PIK3CB: variants seen among roughly 807,000 people sequenced by gnomAD.
PIK3CB encodes phosphatidylinositol 4,5-bisphosphate 3-kinase catalytic subunit beta isoform.
A neutral mutation model predicts 136.8 loss-of-function variants in PIK3CB; 39 were observed. The observed-to-expected ratio is 0.29, with a 90% CI of 0.22 to 0.37. PIK3CB has a LOEUF of 0.37. PIK3CB is among the 10% of genes least tolerant of loss of function. The pLI is 1.00. For missense variants in PIK3CB, 868 were observed against 1,275.4 expected, an observed-to-expected ratio of 0.68 and a Z score of 4.87; for synonymous variants, 428 against 436.6, an observed-to-expected ratio of 0.98 and a Z score of 0.25.
intron 1 of PIK3CB, among the ~76,000 whole-genome samples, chr3:138,798,762 T>C (rs562162382): frequency 6.6e-6 from 1 of 152,118 alleles, no homozygotes; most frequent in Non-Finnish European, 1.5e-5. Flanking sequence ...TTTTACCATC[T>C]CTGGAACTAA....
chr3:138,698,759 C>G, intron 13 of PIK3CB, 148 bp downstream of exon 13: 1 of 444,704 alleles, frequency 2.2e-6, no homozygotes, highest in Admixed American at 3.9e-5. Context: ...TGGTCCATTA[C>G]TTGGAGTATA....
chr3:138,801,529 G>A (rs1272015651), intron 1 of PIK3CB, among the ~76,000 whole-genome samples: 1 of 151,984 alleles, frequency 6.6e-6, no homozygotes, highest in East Asian at 1.9e-4. Context: ...TCAGGAGTTA[G>A]AGGACAGCCT....
chr3:138,733,442 T>C lies in PIK3CB; in HGVS notation c.973-4A>G. On this transcript the variant is annotated splice_region_variant and splice_polypyrimidine_tract_variant and intron_variant, in intron 7 of 23. Coordinates refer to ENST00000674063, the MANE Select transcript of PIK3CB (RefSeq NM_006219.3). ...GGTTGTTATTTTCCCAAACATGCTG[T>C]AAAAGAATAAAATAAATACAAATTA... The C allele has an allele frequency of 1.5e-6, 2 of 1,375,486 alleles. No individual in the cohort carries two copies. The highest frequency in any genetic ancestry group is 2.1e-6 in the Non-Finnish European group (2 of 971,478). 85.2% of individuals were successfully genotyped at this position (1,375,486 alleles called of 1,614,324 possible).
chr3:138,755,517 A>G (rs1189190364), intron 4 of PIK3CB, among the ~76,000 whole-genome samples: 1 of 152,098 alleles, frequency 6.6e-6, no homozygotes, highest in East Asian at 1.9e-4. Flanking sequence ...TTAGACAACA[A>G]AAACATATAC....
chr3:138,813,699 G>A (rs181310741), intron 1 of PIK3CB, among the ~76,000 whole-genome samples: 51 of 151,974 alleles, frequency 3.4e-4, no homozygotes, highest in African/African-American at 9.7e-4. Flanking sequence ...TTACAGGCGT[G>A]AGCCACCGCG....
intron 2 of PIK3CB, among the ~76,000 whole-genome samples, chr3:138,793,243 T>C (rs893813603): frequency 7.9e-5 from 12 of 152,218 alleles, no homozygotes; most frequent in African/African-American, 2.7e-4. Flanking sequence ...GGTTATCTTC[T>C]TCTGAGGAGG....
chr3:138,773,140 C>T (rs937422273), intron 2 of PIK3CB, among the ~76,000 whole-genome samples: 22 of 152,002 alleles, frequency 1.4e-4, no homozygotes, highest in African/African-American at 5.1e-4. Context: ...GTGGCTCACG[C>T]CTGTAATCCC....
At chr3:138,657,563 A>G (rs1481489948) in intron 22 of PIK3CB, 127 bp downstream of exon 22, 24 of 778,104 alleles carry the variant, frequency 3.1e-5, no homozygotes, top group Non-Finnish European at 4.4e-5. Flanking sequence ...AATTCCCCCA[A>G]AAGCTTCCTA....
chr3:138,716,121 T>C (rs900241284), intron 8 of PIK3CB, among the ~76,000 whole-genome samples: 2 of 152,188 alleles, frequency 1.3e-5, no homozygotes, highest in African/African-American at 4.8e-5. Context: ...TATTATAACA[T>C]GATAAATATT....
At chr3:138,682,560 A>G (rs1451532670) in intron 18 of PIK3CB, among the ~76,000 whole-genome samples, 2 of 152,142 alleles carry the variant, frequency 1.3e-5, no homozygotes, top group Non-Finnish European at 2.9e-5. Context: ...GCTTGCTTTT[A>G]CCACTATACG....
chr3:138,779,781 G>A (rs1009482322), intron 2 of PIK3CB, among the ~76,000 whole-genome samples: 4 of 146,962 alleles, frequency 2.7e-5, no homozygotes, highest in South Asian at 2.2e-4. Context: ...CTCCTGCTTC[G>A]GCCTCCCAAA....
Position 138,742,542 on chromosome 3 carries a change from A to G in PIK3CB, c.621+16T>C. The G allele has an allele frequency of 8.0e-7, 1 of 1,254,390 alleles. No homozygotes were observed. The highest frequency in any genetic ancestry group is 2.3e-5 in the East Asian group (1 of 42,792). 77.7% of individuals were successfully genotyped at this position (1,254,390 alleles called of 1,614,324 possible). On this transcript the variant is annotated intron_variant, in intron 5 of 23. Transcript: ENST00000674063. Reference sequence around the variant, plus strand: ...AAATTTATTACAAAATATTTCTTAAAAAAATATAATCCTACCTGGCAGTTT... The same window carrying G: ...AAATTTATTACAAAATATTTCTTAAGAAAATATAATCCTACCTGGCAGTTT...
intron 19 of PIK3CB, among the ~76,000 whole-genome samples, chr3:138,666,875 G>A (rs2043421014): frequency 6.6e-6 from 1 of 152,106 alleles, no homozygotes; most frequent in Admixed American, 6.6e-5. Context: ...TCTGTATAAG[G>A]AAGAAGTGCC....
At chr3:138,823,007 G>T (rs894799810) in intron 1 of PIK3CB, among the ~76,000 whole-genome samples, 2 of 147,372 alleles carry the variant, frequency 1.4e-5, no homozygotes, top group Non-Finnish European at 3.0e-5. Context: ...TGCAGCCTCC[G>T]CCTCCTGGGT....
In PIK3CB at chr3:138,792,006, C is replaced by T. The variant is rs2046056756; in HGVS notation, c.-17+4457G>A. Among the ~76,000 whole-genome samples, 2 of 152,150 alleles carry T rather than the reference C, an allele frequency of 1.3e-5. 1 individual carries two copies. The highest frequency in any genetic ancestry group is 4.1e-4 in the South Asian group (2 of 4,828). ...TGTTCTATATCGGTGGGTTCCACAT[C>T]CATGAATACAACCAACTATGAATCG... On this transcript the variant is annotated intron_variant, in intron 2 of 23. Coordinates refer to ENST00000674063, the MANE Select transcript of PIK3CB (RefSeq NM_006219.3).
intron 21 of PIK3CB, among the ~76,000 whole-genome samples, chr3:138,661,374 G>A (rs1000754645): frequency 1.3e-5 from 2 of 152,038 alleles, no homozygotes; most frequent in African/African-American, 2.4e-5. Context: ...TGGGACTTGC[G>A]TACCCCTTTA....
intron 1 of PIK3CB, among the ~76,000 whole-genome samples, chr3:138,823,323 T>C (rs1425944027): frequency 1.3e-5 from 2 of 151,972 alleles, no homozygotes; most frequent in African/African-American, 4.8e-5. Flanking sequence ...GTGATCATAT[T>C]TCAACTATTT....
intron 11 of PIK3CB, among the ~76,000 whole-genome samples, chr3:138,706,803 T>C (rs2044387055): frequency 6.6e-6 from 1 of 152,138 alleles, no homozygotes; most frequent in Admixed American, 6.5e-5. Flanking sequence ...ATTACAGGCA[T>C]GTGCCACCAT....
intron 19 of PIK3CB, among the ~76,000 whole-genome samples, chr3:138,677,832 T>G (rs1056205462): frequency 1.3e-5 from 2 of 151,862 alleles, no homozygotes; most frequent in African/African-American, 4.8e-5. Context: ...GAGGCGGAGG[T>G]TGCAGTGAGC....
Sources: allele counts gnomAD v4.1 joint callset (sites outside exome capture counted in the v4.1 genomes callset), GRCh38; gene constraint gnomAD v4.1.1; transcripts MANE v1.5; gene names NCBI Gene and HGNC (gene_info 2026-07-23, HGNC 2026-07-21).